Variants in RBFOX2 observed in about 807,000 individuals in gnomAD.
The protein encoded by RBFOX2 is RNA binding fox-1 homolog 2, also known as RNA binding protein fox-1 homolog 2.
In RBFOX2, 10 loss-of-function variants were observed where a neutral mutation model predicts 49.1. The ratio of observed to expected loss-of-function variants is 0.20; its 90% CI spans 0.13 to 0.35. RBFOX2 has a LOEUF of 0.35. Ranked by LOEUF, RBFOX2 falls within the 10% of genes least tolerant of loss-of-function variation. The pLI is 1.00. For missense variants in RBFOX2, 323 were observed against 486.9 expected (o/e 0.66, Z 3.17); for synonymous variants, 183 against 187.4 (o/e 0.98, Z 0.19).
chr22:35,780,853 C>T (rs902822603), intron 3 of RBFOX2, among the ~76,000 whole-genome samples: 4 of 152,172 alleles, frequency 2.6e-5, no homozygotes, highest in African/African-American at 9.7e-5. Flanking sequence ...TTCAATAAGC[C>T]ACCTCTAAAC....
At chr22:35,870,285 G>T (rs1266033428) in intron 1 of RBFOX2, among the ~76,000 whole-genome samples, 1 of 152,048 alleles carries the variant, frequency 6.6e-6, no homozygotes, top group Non-Finnish European at 1.5e-5. Context: ...GAGGCAGGCA[G>T]ATCATGAGGT....
intron 2 of RBFOX2, among the ~76,000 whole-genome samples, chr22:35,792,163 A>G (rs546725133): frequency 6.6e-6 from 1 of 151,974 alleles, no homozygotes; most frequent in Non-Finnish European, 1.5e-5. Flanking sequence ...CTAAAAATAC[A>G]AAAATTAGGT....
chr22:36,009,686 G>C (rs1407606905), intron 1 of RBFOX2, among the ~76,000 whole-genome samples: 1 of 152,176 alleles, frequency 6.6e-6, no homozygotes, highest in Non-Finnish European at 1.5e-5. Context: ...ACTGTGCCCA[G>C]ACAGAAAGGG....
upstream of RBFOX2, chr22:35,840,631 C>CGCGCGTGTGTGTGTGTGTGTGTGT (rs1958596328): frequency 1.1e-6 from 1 of 870,746 alleles, no homozygotes; most frequent in African/African-American, 1.8e-5. Context: ...TGCGTGTGTG[C>CGCGCGTGTGTGTGTGTGTGTGTGT]GTGTGTGTGT....
intron 4 of RBFOX2, among the ~76,000 whole-genome samples, chr22:35,771,210 G>A (rs988613503): frequency 2.0e-5 from 3 of 152,164 alleles, no homozygotes; most frequent in African/African-American, 7.2e-5. Context: ...GATTATCCTG[G>A]ATTATCCAGT....
chr22:35,985,870 G>T (rs183417543), intron 1 of RBFOX2, among the ~76,000 whole-genome samples: 17 of 151,530 alleles, frequency 1.1e-4, no homozygotes, highest in Middle Eastern at 3.4e-3. Context: ...AAGCAGGAAA[G>T]ACTCCATCTC....
chr22:35,835,443 T>C (rs941351947), intron 1 of RBFOX2, among the ~76,000 whole-genome samples: 8 of 152,144 alleles, frequency 5.3e-5, no homozygotes, highest in Non-Finnish European at 2.9e-5. Flanking sequence ...TGTTTACATA[T>C]GGCAATCTGT....
intron 1 of RBFOX2, among the ~76,000 whole-genome samples, chr22:35,957,106 C>CTGAT (rs1410833033): frequency 6.6e-6 from 1 of 152,196 alleles, no homozygotes; most frequent in African/African-American, 2.4e-5. Flanking sequence ...TTATTAGAAT[C>CTGAT]ACACTGATCT....
At chr22:35,805,427 CAAT>C (rs1304358993) in intron 2 of RBFOX2, among the ~76,000 whole-genome samples, 2 of 150,294 alleles carry the variant, frequency 1.3e-5, no homozygotes, top group African/African-American at 2.5e-5. Context: ...ACTAAAACAA[CAAT>C]GAGATACAAC....
At chr22:35,867,980 G>A (rs1170521836) in intron 1 of RBFOX2, among the ~76,000 whole-genome samples, 5 of 152,196 alleles carry the variant, frequency 3.3e-5, no homozygotes, top group Admixed American at 1.3e-4. Context: ...GGAGGCTGAG[G>A]TGGGAGGATC....
At chr22:35,923,522 C>T (rs2051261525) in intron 1 of RBFOX2, among the ~76,000 whole-genome samples, 1 of 152,130 alleles carries the variant, frequency 6.6e-6, no homozygotes, top group African/African-American at 2.4e-5. Context: ...CAGGTGCACA[C>T]CACCACATCT....
chr22:35,765,407 G>A lies in RBFOX2; in HGVS notation c.607+16C>T. ...ACACAAGAATAAACACTCTTTCGAA[G>A]ATTATAATTTCTTACCATTTGCATA... On this transcript the variant is annotated intron_variant, in intron 6 of 11. Coordinates refer to ENST00000405409, the Ensembl canonical transcript of RBFOX2. 1.3e-6 allele frequency: 2 copies of A among 1,484,086 alleles called. No individual in the cohort carries two copies. The highest frequency in any genetic ancestry group is 1.9e-6 in the Non-Finnish European group (2 of 1,076,362). 91.9% of individuals were successfully genotyped at this position (1,484,086 alleles called of 1,614,324 possible).
At chr22:36,028,634 C>T (rs1290667124) in exon 1 of RBFOX2, among the ~76,000 whole-genome samples, 3 of 150,186 alleles carry the variant, frequency 2.0e-5, no homozygotes, top group East Asian at 1.9e-4. Flanking sequence ...CCCGCCCGCC[C>T]GCCGGGTTGT....
At chr22:36,007,269 T>C (rs539631283) in intron 1 of RBFOX2, among the ~76,000 whole-genome samples, 7 of 151,528 alleles carry the variant, frequency 4.6e-5, no homozygotes, top group African/African-American at 9.7e-5. Context: ...CATATAAATA[T>C]ATATAATATA....
intron 1 of RBFOX2, among the ~76,000 whole-genome samples, chr22:35,830,931 A>C (rs780486746): frequency 1.3e-5 from 2 of 152,166 alleles, no homozygotes; most frequent in African/African-American, 4.8e-5. Context: ...CAGGGGATTC[A>C]TTCTATTATA....
At chr22:35,882,215 T>C (rs991512679) in intron 1 of RBFOX2, among the ~76,000 whole-genome samples, 1 of 152,120 alleles carries the variant, frequency 6.6e-6, no homozygotes, top group African/African-American at 2.4e-5. Flanking sequence ...GAAAGTATGA[T>C]GTCCTGCAAG....
chr22:35,914,002 G>C (rs892174311), intron 1 of RBFOX2, among the ~76,000 whole-genome samples: 4 of 152,170 alleles, frequency 2.6e-5, no homozygotes, highest in African/African-American at 4.8e-5. Flanking sequence ...TAGCGGGGCT[G>C]TGAAAGAGGA....
intron 1 of RBFOX2, among the ~76,000 whole-genome samples, chr22:35,935,095 C>T (rs528127079): frequency 2.6e-5 from 4 of 152,086 alleles, no homozygotes; most frequent in East Asian, 1.9e-4. Flanking sequence ...CCACTACACC[C>T]GGCTGATTTT....
In RBFOX2 at chr22:35,759,820, C is replaced by T; in HGVS notation, c.887+68G>A. 2 of 1,587,648 alleles carry T rather than the reference C, an allele frequency of 1.3e-6. No individual in the cohort carries two copies. Among genetic ancestry groups the T allele is most frequent in the African/African-American group, 1.3e-5 (1 of 74,492 alleles). ...CAACATCCCAGAAGTTATGAAAGGG[C>T]CATGGTATTCTTTTTTGGTCCAACT... On this transcript the variant is annotated intron_variant, in intron 9 of 11. Transcript: ENST00000405409. The surrounding 1 kb of genome is among the most constrained non-coding windows in gnomAD (Gnocchi z 4.6).
Sources: gnomAD v4.1 joint callset for allele counts (sites outside exome capture counted in the v4.1 genomes callset) on GRCh38, gnomAD v4.1.1 for gene constraint, Gnocchi (gnomAD v3.1) non-coding constraint, MANE v1.5 for transcripts, NCBI Gene and HGNC (gene_info 2026-07-23, HGNC 2026-07-21) for gene names.